The following GABBR2 variants were observed in gnomAD, a reference collection of about 807,000 sequenced individuals.
GABBR2 encodes the protein G-protein coupled receptor 51.
A neutral mutation model predicts 105.6 loss-of-function variants in GABBR2; 23 were observed. The ratio of observed to expected loss-of-function variants is 0.22; its 90% CI spans 0.16 to 0.31. GABBR2 has a LOEUF of 0.31. Ranked by LOEUF, GABBR2 falls within the 10% of genes least tolerant of loss-of-function variation. The pLI is 1.00. For missense variants in GABBR2, 734 were observed against 1,245.5 expected, an observed-to-expected ratio of 0.59 and a Z score of 6.18; for synonymous variants, 478 against 499.7, an observed-to-expected ratio of 0.96 and a Z score of 0.58.
At chr9:98,307,814 C>G (rs1830574445) in intron 14 of GABBR2, among the ~76,000 whole-genome samples, 1 of 152,202 alleles carries the variant, frequency 6.6e-6, no homozygotes. Context: ...AAGGTAATTT[C>G]AAAGCTATTT....
intron 17 of GABBR2, among the ~76,000 whole-genome samples, chr9:98,297,875 T>A (rs1830406981): frequency 7.5e-6 from 1 of 134,108 alleles, no homozygotes; most frequent in African/African-American, 3.1e-5. Flanking sequence ...AAAAAAAAAA[T>A]TAGCTGGGTG....
intron 7 of GABBR2, among the ~76,000 whole-genome samples, chr9:98,421,655 G>A (rs1832784556): frequency 6.6e-6 from 1 of 152,104 alleles, no homozygotes; most frequent in Non-Finnish European, 1.5e-5. Context: ...GAGAAAGTTT[G>A]GAAACCTCTG....
chr9:98,419,415 G>T (rs552601416), intron 7 of GABBR2, among the ~76,000 whole-genome samples: 73 of 152,284 alleles, frequency 4.8e-4, no homozygotes, highest in Admixed American at 7.8e-4. Context: ...GGGGAAGAAA[G>T]AACCTCCATG....
chr9:98,602,703 T>C (rs1162534893), intron 1 of GABBR2, among the ~76,000 whole-genome samples: 2 of 152,196 alleles, frequency 1.3e-5, no homozygotes, highest in Non-Finnish European at 2.9e-5. Flanking sequence ...AATTGTTAAT[T>C]GATTCAGTGG....
At chr9:98,386,774 C>A (rs190689518) in intron 10 of GABBR2, among the ~76,000 whole-genome samples, 1 of 152,272 alleles carries the variant, frequency 6.6e-6, no homozygotes, top group African/African-American at 2.4e-5. Context: ...TTCTGTTAAC[C>A]CTTCACATTT....
intron 1 of GABBR2, among the ~76,000 whole-genome samples, chr9:98,658,950 CT>C (rs1388657657): frequency 4.5e-4 from 68 of 152,310 alleles, no homozygotes; most frequent in African/African-American, 1.4e-3. Flanking sequence ...AAGAACTTTT[CT>C]TCCATGTACT....
At chr9:98,341,494 C>T (rs59759351) in intron 13 of GABBR2, among the ~76,000 whole-genome samples, 27,668 of 152,258 alleles carry the variant, frequency 0.18, 2,727 homozygotes, top group Middle Eastern at 0.26. Flanking sequence ...AAAATAAAGA[C>T]GAATGATCAG....
intron 7 of GABBR2, among the ~76,000 whole-genome samples, chr9:98,416,486 T>C (rs1400761553): frequency 6.6e-6 from 1 of 152,218 alleles, no homozygotes; most frequent in Non-Finnish European, 1.5e-5. Flanking sequence ...TCTGTCCTGT[T>C]AGCTTCCGCC....
At chr9:98,536,496 C>A (rs1485032993) in intron 3 of GABBR2, among the ~76,000 whole-genome samples, 2 of 152,102 alleles carry the variant, frequency 1.3e-5, no homozygotes, top group African/African-American at 4.8e-5. Flanking sequence ...GTCTCTGCCT[C>A]CCTCTGCTGT....
intron 8 of GABBR2, among the ~76,000 whole-genome samples, chr9:98,400,015 GAA>G (rs57472915): frequency 4.5e-4 from 46 of 102,928 alleles, no homozygotes; most frequent in Middle Eastern, 5.6e-3. Context: ...CCACCTCCAT[GAA>G]AAAAAAAAAA....
intron 13 of GABBR2, among the ~76,000 whole-genome samples, chr9:98,357,823 C>A (rs1831514942): frequency 6.6e-6 from 1 of 152,158 alleles, no homozygotes; most frequent in African/African-American, 2.4e-5. Context: ...CAAGAAGTAA[C>A]CACAATCTTG....
At chr9:98,318,352 G>C (rs894119215) in intron 13 of GABBR2, among the ~76,000 whole-genome samples, 2 of 152,222 alleles carry the variant, frequency 1.3e-5, no homozygotes, top group African/African-American at 4.8e-5. Flanking sequence ...GAAGCAGTCT[G>C]GTTAAGAACG....
At chr9:98,456,264 T>C (rs1031011188) in intron 6 of GABBR2, among the ~76,000 whole-genome samples, 1 of 152,182 alleles carries the variant, frequency 6.6e-6, no homozygotes, top group Non-Finnish European at 1.5e-5. Flanking sequence ...CCTCAGGGCT[T>C]TGCACAAGCT....
At chr9:98,606,020 C>A (rs754396847) in intron 1 of GABBR2, among the ~76,000 whole-genome samples, 16 of 152,062 alleles carry the variant, frequency 1.1e-4, no homozygotes, top group Non-Finnish European at 2.4e-4. Flanking sequence ...TGAGAACATG[C>A]GGTGTTTGGT....
At position 98,454,344 on chromosome 9, in the gene GABBR2, GCATTATCT is replaced by G. The variant is rs1826288478; in HGVS notation, c.1000-135_1000-128del. 1 of 703,712 alleles carries G rather than the reference GCATTATCT, an allele frequency of 1.4e-6. No individual in the cohort carries two copies. Among genetic ancestry groups the G allele is most frequent in the African/African-American group, 1.7e-5 (1 of 57,430 alleles). The allele number at this position is 703,712 out of a possible 1,614,324, so 43.6% of individuals were successfully genotyped here. Reference sequence around the variant, plus strand: ...CCAGGTACAGTGCTAGATTCTACGTGCATTATCTCATTTAACCCTCACAACAACCTCAT... The same window carrying G: ...CCAGGTACAGTGCTAGATTCTACGTGCATTTAACCCTCACAACAACCTCAT... On this transcript the variant is annotated intron_variant, in intron 6 of 18. Coordinates refer to ENST00000259455, the MANE Select transcript of GABBR2 (RefSeq NM_005458.8). The surrounding 1 kb of genome is among the most constrained non-coding windows in gnomAD (Gnocchi z 4.6).
At chr9:98,330,027 A>G (rs1253167870) in intron 13 of GABBR2, among the ~76,000 whole-genome samples, 2 of 152,202 alleles carry the variant, frequency 1.3e-5, no homozygotes, top group Non-Finnish European at 2.9e-5. Flanking sequence ...TGACAACCAG[A>G]GTAGGCGTTA....
chr9:98,583,743 C>G (rs1829033589), intron 1 of GABBR2, among the ~76,000 whole-genome samples: 1 of 152,210 alleles, frequency 6.6e-6, no homozygotes, highest in African/African-American at 2.4e-5. Context: ...TGAAGGACTC[C>G]TTGCAGACAC....
At chr9:98,588,749 G>A (rs1034244904) in intron 1 of GABBR2, among the ~76,000 whole-genome samples, 6 of 151,886 alleles carry the variant, frequency 4.0e-5, no homozygotes, top group Non-Finnish European at 7.4e-5. Flanking sequence ...CCCTCCCCCC[G>A]ACAATTAGGT....
intron 13 of GABBR2, among the ~76,000 whole-genome samples, chr9:98,340,410 G>A (rs1445806752): frequency 6.6e-6 from 1 of 151,720 alleles, no homozygotes; most frequent in Non-Finnish European, 1.5e-5. Flanking sequence ...AATCTATTCT[G>A]TGTGTGTGTT....
Sources: gnomAD v4.1 joint callset for allele counts (sites outside exome capture counted in the v4.1 genomes callset) on GRCh38, gnomAD v4.1.1 for gene constraint, Gnocchi (gnomAD v3.1) non-coding constraint, MANE v1.5 for transcripts, NCBI Gene and HGNC (gene_info 2026-07-23, HGNC 2026-07-21) for gene names.